KLF8: variants seen among roughly 807,000 people sequenced by gnomAD.
KLF8 encodes the protein Krueppel-like factor 8.
Under a neutral mutation model 18.2 loss-of-function variants are expected in KLF8, and 10 were observed. The ratio of observed to expected loss-of-function variants is 0.55; its 90% confidence interval spans 0.34 to 0.93. KLF8 has a LOEUF of 0.93. Among genes scored for constraint, KLF8 ranks in the 40% least tolerant of loss-of-function variants. The pLI is 0.02. For synonymous variants in KLF8, 109 were observed against 97.3 expected (o/e 1.12, Z -0.71); for missense variants, 264 against 277.9 (o/e 0.95, Z 0.36).
At chrX:56,081,197 G>A in the KLF8 span, among the ~76,000 whole-genome samples, 12 of 111,708 alleles carry the variant, frequency 1.1e-4, no homozygotes, top group South Asian at 3.7e-4. Flanking sequence ...GAGGAACTGC[G>A]TTCCTTTGGA....
chrX:56,078,620 C>T, the KLF8 span, among the ~76,000 whole-genome samples: 5 of 111,668 alleles, frequency 4.5e-5, no homozygotes, highest in Non-Finnish European at 9.4e-5. Context: ...GGTTGTGTCT[C>T]TGCCAGGCTT....
chrX:56,210,105 C>T, the KLF8 span, among the ~76,000 whole-genome samples: 1 of 111,657 alleles, frequency 9.0e-6, no homozygotes, highest in Non-Finnish European at 1.9e-5. Context: ...TTATAATACT[C>T]TATGTTTTTC....
At chrX:56,087,330 G>A in the KLF8 span, among the ~76,000 whole-genome samples, 2 of 110,651 alleles carry the variant, frequency 1.8e-5, no homozygotes, top group African/African-American at 3.3e-5. Flanking sequence ...GATCATGGGG[G>A]TTTATTTCTC....
the KLF8 span, among the ~76,000 whole-genome samples, chrX:56,163,518 C>A: frequency 4.5e-5 from 5 of 111,242 alleles, no homozygotes; most frequent in Non-Finnish European, 3.8e-5. Context: ...GCATAGTTTA[C>A]AAAAATTTTC....
chrX:55,935,779 G>A, the KLF8 span, among the ~76,000 whole-genome samples: 1 of 111,292 alleles, frequency 9.0e-6, no homozygotes, highest in Non-Finnish European at 1.9e-5. Flanking sequence ...AAACATGCAT[G>A]GGAATAAAAT....
At chrX:56,095,857 A>T in the KLF8 span, among the ~76,000 whole-genome samples, 1 of 111,781 alleles carries the variant, frequency 8.9e-6, no homozygotes, top group Non-Finnish European at 1.9e-5. Context: ...GTGGGAATGT[A>T]AATTAGTACA....
At chrX:56,011,802 C>T in the KLF8 span, among the ~76,000 whole-genome samples, 3 of 111,693 alleles carry the variant, frequency 2.7e-5, no homozygotes, top group Admixed American at 9.5e-5. Flanking sequence ...GAAATACAAA[C>T]GACCATCAGA....
At chrX:56,050,786 G>A in the KLF8 span, among the ~76,000 whole-genome samples, 22 of 110,883 alleles carry the variant, frequency 2.0e-4, no homozygotes, top group Admixed American at 6.7e-4. Flanking sequence ...TATTAGGTCC[G>A]CTTGGTGCAG....
At chrX:56,226,965 G>A in the KLF8 span, among the ~76,000 whole-genome samples, 1 of 112,513 alleles carries the variant, frequency 8.9e-6, no homozygotes, top group African/African-American at 3.2e-5. Context: ...CAGAGGAAAT[G>A]AAAAATGAGG....
chrX:56,076,048 A>T, the KLF8 span, among the ~76,000 whole-genome samples: 1 of 109,518 alleles, frequency 9.1e-6, no homozygotes, highest in Non-Finnish European at 1.9e-5. Context: ...TATAAGTGAG[A>T]ATATGCAGTG....
the KLF8 span, among the ~76,000 whole-genome samples, chrX:56,101,407 T>C: frequency 8.9e-6 from 1 of 112,220 alleles, no homozygotes; most frequent in African/African-American, 3.2e-5. Context: ...TCTATGTTAT[T>C]GTGAATAGCA....
At chrX:56,223,675 C>T in the KLF8 span, among the ~76,000 whole-genome samples, 1 of 112,280 alleles carries the variant, frequency 8.9e-6, no homozygotes, top group Non-Finnish European at 1.9e-5. Context: ...AATAATCACA[C>T]AAATACATAA....
At chrX:56,276,462 G>T (rs1323716166) in intron 5 of KLF8, among the ~76,000 whole-genome samples, 1 of 110,995 alleles carries the variant, frequency 9.0e-6, no homozygotes, top group African/African-American at 3.3e-5. Flanking sequence ...CTCAGCTTTT[G>T]TTCATCTGGG....
chrX:56,118,097 A>G, the KLF8 span, among the ~76,000 whole-genome samples: 2 of 111,504 alleles, frequency 1.8e-5, no homozygotes, highest in African/African-American at 6.5e-5. Flanking sequence ...TAATGCCATC[A>G]GCTTGGGACT....
the KLF8 span, among the ~76,000 whole-genome samples, chrX:55,952,485 T>C: frequency 4.5e-5 from 5 of 111,865 alleles, no homozygotes; most frequent in African/African-American, 6.5e-5. Context: ...TCTTCTAGCT[T>C]CCAGAGGCTA....
chrX:55,977,084 C>T, the KLF8 span, among the ~76,000 whole-genome samples: 1 of 112,041 alleles, frequency 8.9e-6, no homozygotes, highest in African/African-American at 3.2e-5. Context: ...CTACTTTTTA[C>T]TTTATGATTT....
the KLF8 span, among the ~76,000 whole-genome samples, chrX:56,007,559 G>T: frequency 9.0e-6 from 1 of 110,681 alleles, no homozygotes; most frequent in Non-Finnish European, 1.9e-5. Context: ...ACTACTTTGC[G>T]TCCCTCTCCT....
At chrX:56,136,286 C>T in the KLF8 span, among the ~76,000 whole-genome samples, 12 of 111,146 alleles carry the variant, frequency 1.1e-4, no homozygotes, top group East Asian at 5.6e-4. Flanking sequence ...AAAAAGAGCC[C>T]GCATCGCCAA....
At position 56,265,755 on chromosome X, in the gene KLF8, A is replaced by G; in HGVS notation, c.646+11A>G. 8.4e-6 allele frequency: 10 copies of G among 1,188,597 alleles called. No homozygotes were observed. Among genetic ancestry groups the G allele is most frequent in the Non-Finnish European group, 1.1e-5 (10 of 886,148 alleles). ...AAAATGCTGGATCAGGTAAGTAACA[A>G]TATTGCCTCTTTCCTGGCCTTCCTG... On this transcript the variant is annotated intron_variant, in intron 3 of 5. Coordinates refer to ENST00000468660, the MANE Select transcript of KLF8 (RefSeq NM_007250.5).
Sources: gnomAD v4.1 joint callset for allele counts (sites outside exome capture counted in the v4.1 genomes callset) on GRCh38, gnomAD v4.1.1 for gene constraint, MANE v1.5 for transcripts, NCBI Gene and HGNC (gene_info 2026-07-23, HGNC 2026-07-21) for gene names.